Variants in C3orf22 observed in about 807,000 individuals in gnomAD.
C3orf22 encodes uncharacterized protein C3orf22.
Under a neutral mutation model 10.8 loss-of-function variants are expected in C3orf22, and 7 were observed. The observed-to-expected ratio is 0.65, with a 90% CI of 0.37 to 1.22. The LOEUF is 1.22. Among genes scored for constraint, C3orf22 ranks in the 50% most tolerant of loss-of-function variants. The pLI is 0.02. For synonymous variants in C3orf22, 79 were observed against 78.9 expected, an observed-to-expected ratio of 1.00 and a Z score of 0.00; for missense variants, 173 against 177.0, an observed-to-expected ratio of 0.98 and a Z score of 0.13.
chr3:126,554,259 GTTGTT>G (rs869267615), intron 1 of C3orf22, among the ~76,000 whole-genome samples: 4,190 of 129,124 alleles, frequency 0.032, 104 homozygotes, highest in Non-Finnish European at 0.041. Flanking sequence ...TTGTTTTTCT[GTTGTT>G]TTTTTTTTTT....
At chr3:126,556,793 ACACT>A (rs77983683) in intron 1 of C3orf22, among the ~76,000 whole-genome samples, 84,387 of 148,798 alleles carry the variant, frequency 0.57, 25,100 homozygotes, top group South Asian at 0.74. Context: ...AGACTCACAC[ACACT>A]CAGGCTCACC....
At chr3:126,550,112 C>G in intron 3 of C3orf22, 34 bp from the exon 4 acceptor site, 1 of 1,609,566 alleles carries the variant, frequency 6.2e-7, no homozygotes, top group Non-Finnish European at 8.5e-7. Context: ...GCCTGGCCTT[C>G]AGGACCCCTG....
downstream of C3orf22, among the ~76,000 whole-genome samples, chr3:126,547,323 C>G (rs781291323): frequency 1.3e-5 from 2 of 152,194 alleles, no homozygotes; most frequent in Non-Finnish European, 2.9e-5. Context: ...AGCTGTCACC[C>G]GCTCCTCTGC....
intron 4 of C3orf22, among the ~76,000 whole-genome samples, chr3:126,543,859 T>G (rs1937024299): frequency 6.6e-6 from 1 of 152,162 alleles, no homozygotes; most frequent in Admixed American, 6.5e-5. Flanking sequence ...GGTGGCCAAC[T>G]CCAGTGGACC....
chr3:126,541,267 G>GT (rs1315449288), intron 4 of C3orf22, among the ~76,000 whole-genome samples: 1 of 152,218 alleles, frequency 6.6e-6, no homozygotes, highest in Non-Finnish European at 1.5e-5. Flanking sequence ...GTGCTGATTG[G>GT]TAAGTACAGA....
At chr3:126,546,723 C>G (rs1013792579), downstream of C3orf22, among the ~76,000 whole-genome samples, 1 of 152,144 alleles carries the variant, frequency 6.6e-6, no homozygotes, top group East Asian at 1.9e-4. Context: ...CTCCCCCCAG[C>G]CTGTGGTGTT....
chr3:126,535,160 G>A (rs1251590628), intron 4 of C3orf22, among the ~76,000 whole-genome samples: 2 of 146,000 alleles, frequency 1.4e-5, no homozygotes, highest in Admixed American at 6.8e-5. Context: ...CCAGCCGGGA[G>A]ACAGACAGCA....
chr3:126,555,212 G>A (rs2107584877), intron 1 of C3orf22, among the ~76,000 whole-genome samples: 1 of 152,292 alleles, frequency 6.6e-6, no homozygotes. Context: ...CCTCTCTCAG[G>A]AAGGCCAGCC....
chr3:126,548,668 G>A (rs1045498666), downstream of C3orf22, among the ~76,000 whole-genome samples: 1 of 152,186 alleles, frequency 6.6e-6, no homozygotes, highest in African/African-American at 2.4e-5. Context: ...GGTCCCACCT[G>A]GGGAGGGAGC....
At chr3:126,555,679 T>C (rs976005492) in intron 1 of C3orf22, among the ~76,000 whole-genome samples, 2 of 152,146 alleles carry the variant, frequency 1.3e-5, no homozygotes, top group African/African-American at 2.4e-5. Flanking sequence ...ACAGTGTCCA[T>C]GGAAAAATTG....
intron 4 of C3orf22, among the ~76,000 whole-genome samples, chr3:126,534,961 G>A (rs113241612): frequency 0.11 from 14,986 of 140,238 alleles, 1,430 homozygotes; most frequent in African/African-American, 0.25. Context: ...GTCCCCAGCC[G>A]GAGACAGACC....
At position 126,539,034 on chromosome 3, in the gene C3orf22, C is replaced by A. The variant is rs114801232; in HGVS notation, c.287-9662G>T. ...CGTGTAAGTAGTATCCACTGCTTTG[C>A]CGTGTGCTTACAGTAACTTCTTGAG... is the stretch of plus-strand genomic sequence containing the variant. On this transcript the variant is annotated intron_variant and NMD_transcript_variant, in intron 4 of 5. Transcript: ENST00000505070. Among the ~76,000 whole-genome samples the A allele has an allele frequency of 9.5e-3, 1,453 of 152,278 alleles. 25 individuals carry two copies. The highest frequency in any genetic ancestry group is 0.033 in the African/African-American group (1,361 of 41,530).
chr3:126,533,867 T>A (rs7616966), intron 4 of C3orf22, among the ~76,000 whole-genome samples: 149,225 of 151,878 alleles, frequency 0.98, 73,289 homozygotes, highest in Middle Eastern at 1. Context: ...GTTTGTGGGA[T>A]TTTTTTTTTA....
intron 4 of C3orf22, among the ~76,000 whole-genome samples, chr3:126,540,355 A>T (rs72982024): frequency 0.12 from 18,065 of 152,100 alleles, 1,772 homozygotes; most frequent in African/African-American, 0.27. Context: ...GCCCAGTGTC[A>T]GTCCATCAGC....
chr3:126,542,183 C>T, intron 4 of C3orf22: 2 of 1,446,180 alleles, frequency 1.4e-6, no homozygotes, highest in South Asian at 2.7e-5. Context: ...CCTGCGGCCG[C>T]GCGCGCTCCC....
chr3:126,542,570 C>A, intron 4 of C3orf22: 1 of 1,492,240 alleles, frequency 6.7e-7, no homozygotes, highest in East Asian at 2.6e-5. Context: ...CTACCTGCGG[C>A]TGCTCTAGCG....
At chr3:126,537,913 T>C (rs1281695530) in intron 4 of C3orf22, among the ~76,000 whole-genome samples, 1 of 152,160 alleles carries the variant, frequency 6.6e-6, no homozygotes, top group Non-Finnish European at 1.5e-5. Flanking sequence ...TCACAGAGCT[T>C]CTATGGACTA....
intron 4 of C3orf22, among the ~76,000 whole-genome samples, chr3:126,535,487 G>A (rs956309792): frequency 2.2e-4 from 32 of 144,144 alleles, no homozygotes; most frequent in African/African-American, 7.4e-4. Flanking sequence ...GTCCTCAGCC[G>A]GGAGACACAC....
intron 4 of C3orf22, among the ~76,000 whole-genome samples, chr3:126,531,605 G>A (rs994889881): frequency 5.3e-5 from 8 of 152,136 alleles, no homozygotes; most frequent in South Asian, 2.1e-4. Context: ...TTAACATAAC[G>A]TTTACAAGGT....
Sources: gnomAD v4.1 joint callset for allele counts (sites outside exome capture counted in the v4.1 genomes callset) on GRCh38, gnomAD v4.1.1 for gene constraint, MANE v1.5 for transcripts, NCBI Gene and HGNC (gene_info 2026-07-23, HGNC 2026-07-21) for gene names.